Variants in SLC35F1 observed in about 807,000 individuals in gnomAD.
SLC35F1 encodes solute carrier family 35 member F1.
Under a neutral mutation model 48.7 loss-of-function variants are expected in SLC35F1, and 14 were observed. The observed-to-expected ratio is 0.29, with a 90% CI of 0.19 to 0.45. The LOEUF is 0.45. Ranked by LOEUF, SLC35F1 falls within the 20% of genes least tolerant of loss-of-function variation. The pLI is 1.00. For synonymous variants in SLC35F1, 190 were observed against 202.2 expected (o/e 0.94, Z 0.51); for missense variants, 404 against 500.0 (o/e 0.81, Z 1.83).
At chr6:117,978,824 A>G (rs989274681) in intron 1 of SLC35F1, among the ~76,000 whole-genome samples, 1 of 152,238 alleles carries the variant, frequency 6.6e-6, no homozygotes, top group Admixed American at 6.5e-5. Flanking sequence ...AGCCTGTCCC[A>G]TTACTTACAC....
In SLC35F1 at chr6:118,286,801, G is replaced by T. The variant is rs113784285; in HGVS notation, c.1002+1463G>T. On this transcript the variant is annotated intron_variant, in intron 7 of 7. Coordinates refer to ENST00000360388, the MANE Select transcript of SLC35F1 (RefSeq NM_001029858.4). The stretch of plus-strand genomic sequence containing the variant: ...TGTGTGTGTGTGTGTGTGTGTGTGT[G>T]TGTTTGTGTGTGTGTGTGGTGAGAA... Among the ~76,000 whole-genome samples the T allele has an allele frequency of 8.8e-3, 1,151 of 130,252 alleles. 3 individuals carry two copies. Among genetic ancestry groups the T allele is most frequent in the South Asian group, 9.4e-3 (40 of 4,270 alleles). The allele number at this position is 130,252 out of a possible 152,430, so 85.5% of individuals were successfully genotyped here. A position where few individuals can be genotyped will look rare whatever the true frequency, so the allele number is the denominator to read the frequency against.
intron 1 of SLC35F1, among the ~76,000 whole-genome samples, chr6:117,961,559 T>A (rs1776498804): frequency 6.6e-6 from 1 of 152,134 alleles, no homozygotes; most frequent in Non-Finnish European, 1.5e-5. Flanking sequence ...ATTCCTCCAC[T>A]CCTCCTCTTA....
intron 1 of SLC35F1, among the ~76,000 whole-genome samples, chr6:117,993,679 T>C (rs903306353): frequency 2.6e-5 from 4 of 152,208 alleles, no homozygotes; most frequent in African/African-American, 9.6e-5. Context: ...AAGAAAACTC[T>C]AGAAATCTGA....
At chr6:117,984,653 G>T (rs1170363517) in intron 1 of SLC35F1, among the ~76,000 whole-genome samples, 1 of 152,126 alleles carries the variant, frequency 6.6e-6, no homozygotes, top group Non-Finnish European at 1.5e-5. Context: ...GCAGAGTTGG[G>T]TAGTTGCTGA....
intron 1 of SLC35F1, among the ~76,000 whole-genome samples, chr6:117,997,611 G>A (rs1777015136): frequency 6.6e-6 from 1 of 152,168 alleles, no homozygotes; most frequent in Non-Finnish European, 1.5e-5. Flanking sequence ...GAGAGTGGGG[G>A]CCAATATTCA....
chr6:118,083,784 A>C (rs895009301), intron 1 of SLC35F1, among the ~76,000 whole-genome samples: 6 of 152,228 alleles, frequency 3.9e-5, no homozygotes, highest in Non-Finnish European at 8.8e-5. Flanking sequence ...ATCAGTAATT[A>C]GTATCATTTA....
chr6:117,926,221 G>A (rs1352169156), intron 1 of SLC35F1, among the ~76,000 whole-genome samples: 1 of 152,116 alleles, frequency 6.6e-6, no homozygotes, highest in African/African-American at 2.4e-5. Context: ...TTGGTAATGA[G>A]TGAGTCTCAT....
chr6:118,268,605 T>TAG, intron 4 of SLC35F1, among the ~76,000 whole-genome samples: 1 of 70,764 alleles, frequency 1.4e-5, no homozygotes, highest in African/African-American at 7.1e-5. Flanking sequence ...TATATATTTT[T>TAG]TTTTTTTTTT....
At chr6:117,966,909 AT>A (rs2114839992) in intron 1 of SLC35F1, among the ~76,000 whole-genome samples, 1 of 152,332 alleles carries the variant, frequency 6.6e-6, no homozygotes, top group Non-Finnish European at 1.5e-5. Context: ...GGGGGACACA[AT>A]TCAGTGCATC....
At chr6:118,310,592 C>T (rs1776361950) in intron 7 of SLC35F1, among the ~76,000 whole-genome samples, 1 of 151,990 alleles carries the variant, frequency 6.6e-6, no homozygotes, top group African/African-American at 2.4e-5. Flanking sequence ...ATAATGCTTG[C>T]TTGACTGCTG....
At chr6:118,251,917 C>A (rs1775581051) in intron 3 of SLC35F1, among the ~76,000 whole-genome samples, 1 of 151,900 alleles carries the variant, frequency 6.6e-6, no homozygotes, top group Non-Finnish European at 1.5e-5. Flanking sequence ...ATTTTCTGAC[C>A]CTCCCATTAG....
chr6:117,923,356 G>C (rs1775927082), intron 1 of SLC35F1, among the ~76,000 whole-genome samples: 1 of 151,748 alleles, frequency 6.6e-6, no homozygotes, highest in African/African-American at 2.4e-5. Flanking sequence ...CGTCTTGTGT[G>C]CTAAAGCTAA....
intron 7 of SLC35F1, among the ~76,000 whole-genome samples, chr6:118,288,745 T>G (rs548724600): frequency 1.8e-3 from 270 of 152,296 alleles, no homozygotes; most frequent in African/African-American, 6.3e-3. Flanking sequence ...AACTAGATTT[T>G]CAGGTTAACT....
At chr6:118,153,177 G>C (rs1442778602) in intron 1 of SLC35F1, among the ~76,000 whole-genome samples, 1 of 152,180 alleles carries the variant, frequency 6.6e-6, no homozygotes, top group Non-Finnish European at 1.5e-5. Context: ...TGTTATGGGG[G>C]AGTAAATATG....
chr6:117,960,457 T>G (rs1388199062), intron 1 of SLC35F1, among the ~76,000 whole-genome samples: 1 of 152,062 alleles, frequency 6.6e-6, no homozygotes, highest in African/African-American at 2.4e-5. Flanking sequence ...ATTTGGTTTC[T>G]CTAAAGAATC....
intron 2 of SLC35F1, among the ~76,000 whole-genome samples, chr6:118,161,924 G>T (rs1161740839): frequency 6.6e-6 from 1 of 152,276 alleles, no homozygotes; most frequent in Admixed American, 6.5e-5. Context: ...CCACCTGTAC[G>T]TGGGAATACA....
chr6:118,247,713 T>C (rs1016501928), intron 3 of SLC35F1, among the ~76,000 whole-genome samples: 3 of 147,680 alleles, frequency 2.0e-5, no homozygotes, highest in Non-Finnish European at 2.9e-5. Context: ...CAAAGTTTCC[T>C]ACTTAAATTC....
chr6:117,923,710 C>CACATGTACATATACATATGT (rs1562238876), intron 1 of SLC35F1, among the ~76,000 whole-genome samples: 1 of 22,562 alleles, frequency 4.4e-5, no homozygotes, highest in African/African-American at 2.2e-4. Flanking sequence ...CATATATGTA[C>CACATGTACATATACATATGT]ATATATACAT....
At chr6:118,042,323 G>A (rs2114902873) in intron 1 of SLC35F1, among the ~76,000 whole-genome samples, 1 of 152,280 alleles carries the variant, frequency 6.6e-6, no homozygotes, top group East Asian at 1.9e-4. Context: ...CATGATGAAT[G>A]CTCTAATCAA....
Sources: allele counts gnomAD v4.1 joint callset (sites outside exome capture counted in the v4.1 genomes callset), GRCh38; gene constraint gnomAD v4.1.1; transcripts MANE v1.5; gene names NCBI Gene and HGNC (gene_info 2026-07-23, HGNC 2026-07-21).